THSD4: variants seen among roughly 807,000 people sequenced by gnomAD.
The protein encoded by THSD4 is thrombospondin type 1 domain containing 4, also known as thrombospondin type-1 domain-containing protein 4.
In THSD4, 69 loss-of-function variants were observed where a neutral mutation model predicts 119.0. The ratio of observed to expected loss-of-function variants is 0.58; its 90% CI spans 0.48 to 0.71. The LOEUF is 0.71. Among genes scored for constraint, THSD4 ranks in the 30% least tolerant of loss-of-function variants. The probability of loss-of-function intolerance (pLI) is 0.00; values close to 1 mark genes in which losing one functional copy is unlikely to be tolerated. For synonymous variants in THSD4, 524 were observed against 540.4 expected (o/e 0.97, Z 0.42); for missense variants, 1,393 against 1,391.1 (o/e 1.00, Z -0.02).
rs573067559 is a variant in THSD4, at chr15:71,326,280, T to C, written c.1015+69565T>C. On this transcript the variant is annotated intron_variant, in intron 6 of 17. Transcript: ENST00000261862. ...GTGAGGGGTCAATGAGTAAACTACA[T>C]GTCAAGGGCTTAATGTCAGTAACAA... 3.3e-5 allele frequency among the ~76,000 whole-genome samples: 5 copies of C among 152,188 alleles called. No homozygotes were observed. In the South Asian group the frequency reaches 1.0e-3, roughly 32 times the overall value.
At chr15:71,705,522 T>G (rs2052377370) in intron 8 of THSD4, among the ~76,000 whole-genome samples, 1 of 152,122 alleles carries the variant, frequency 6.6e-6, no homozygotes, top group African/African-American at 2.4e-5. Context: ...GCATATCTGG[T>G]CAGATGTTGC....
chr15:71,551,481 G>A (rs1233640470), intron 7 of THSD4, among the ~76,000 whole-genome samples: 4 of 152,186 alleles, frequency 2.6e-5, no homozygotes, highest in Non-Finnish European at 5.9e-5. Flanking sequence ...TGTGTTGGGG[G>A]TCTTCAAGAT....
intron 7 of THSD4, among the ~76,000 whole-genome samples, chr15:71,530,467 G>A (rs2048590991): frequency 6.6e-6 from 1 of 152,238 alleles, no homozygotes; most frequent in African/African-American, 2.4e-5. Context: ...CATTGAGGAG[G>A]CCAAGCAGTG....
intron 3 of THSD4, among the ~76,000 whole-genome samples, chr15:71,174,740 C>G (rs1186491463): frequency 1.3e-5 from 2 of 151,114 alleles, no homozygotes; most frequent in Non-Finnish European, 3.0e-5. Flanking sequence ...GTGTCCCTGT[C>G]TGACAGCTTT....
chr15:71,600,656 C>T (rs183503530), intron 7 of THSD4, among the ~76,000 whole-genome samples: 27 of 152,296 alleles, frequency 1.8e-4, no homozygotes, highest in Admixed American at 5.2e-4. Context: ...TAACTGAACA[C>T]TCATTACATT....
chr15:71,208,187 C>T (rs1345586100), intron 3 of THSD4, among the ~76,000 whole-genome samples: 1 of 152,174 alleles, frequency 6.6e-6, no homozygotes, highest in Non-Finnish European at 1.5e-5. Flanking sequence ...ACATTTCCAC[C>T]ACACTTAATC....
At chr15:71,366,905 C>T (rs2045972374) in intron 6 of THSD4, among the ~76,000 whole-genome samples, 1 of 152,190 alleles carries the variant, frequency 6.6e-6, no homozygotes, top group African/African-American at 2.4e-5. Flanking sequence ...CCTTCTCATA[C>T]TGTGAAGGAG....
chr15:71,199,908 ATGTGTGGGGTGTGTGTG>A, intron 3 of THSD4, among the ~76,000 whole-genome samples: 1 of 35,490 alleles, frequency 2.8e-5, no homozygotes, highest in South Asian at 7.7e-4. Context: ...TGTGTGGTGC[ATGTGTGGGGTGTGTGTG>A]TGTGTGTGTG....
At chr15:71,250,620 A>T (rs1266429549) in intron 5 of THSD4, among the ~76,000 whole-genome samples, 2 of 152,144 alleles carry the variant, frequency 1.3e-5, no homozygotes, top group Non-Finnish European at 2.9e-5. Flanking sequence ...CACCAGACTA[A>T]ATTTTTTAAC....
chr15:71,695,002 T>C (rs1474294678), intron 8 of THSD4, among the ~76,000 whole-genome samples: 1 of 152,222 alleles, frequency 6.6e-6, no homozygotes, highest in Non-Finnish European at 1.5e-5. Context: ...GTTTGCCTTC[T>C]GTGCCCCTTG....
At chr15:71,359,896 C>T (rs556809440) in intron 6 of THSD4, among the ~76,000 whole-genome samples, 1 of 152,314 alleles carries the variant, frequency 6.6e-6, no homozygotes, top group East Asian at 1.9e-4. Context: ...GATTCATCTT[C>T]TGTCCTTCCC....
intron 6 of THSD4, among the ~76,000 whole-genome samples, chr15:71,374,125 G>A (rs2046098639): frequency 6.6e-6 from 1 of 152,172 alleles, no homozygotes; most frequent in African/African-American, 2.4e-5. Context: ...CCAAAGTGAT[G>A]CAAACACATG....
At chr15:71,393,020 T>A (rs1216541669) in intron 6 of THSD4, among the ~76,000 whole-genome samples, 3 of 152,220 alleles carry the variant, frequency 2.0e-5, no homozygotes, top group Non-Finnish European at 4.4e-5. Context: ...CCTCCGTTTC[T>A]CATTTGTTCA....
At chr15:71,485,313 C>T (rs1264816868) in intron 7 of THSD4, among the ~76,000 whole-genome samples, 1 of 152,226 alleles carries the variant, frequency 6.6e-6, no homozygotes, top group Non-Finnish European at 1.5e-5. Flanking sequence ...CCATCTCCCT[C>T]TCCACCTCTG....
chr15:71,172,635 A>AAT (rs2043380714), intron 3 of THSD4, among the ~76,000 whole-genome samples: 1 of 124,194 alleles, frequency 8.1e-6, no homozygotes, highest in Non-Finnish European at 1.7e-5. Flanking sequence ...GTGTAAAGAT[A>AAT]GGCAAATAGA....
At chr15:71,649,730 G>A (rs2051045039) in intron 7 of THSD4, among the ~76,000 whole-genome samples, 1 of 152,200 alleles carries the variant, frequency 6.6e-6, no homozygotes, top group South Asian at 2.1e-4. Context: ...GGTTTTGGCA[G>A]TTTGGGGTTT....
In THSD4 at chr15:71,215,292, C is replaced by G. The variant is rs2043923034; in HGVS notation, c.357C>G (p.Asp119Glu). 3 of 1,522,442 alleles carry G rather than the reference C, an allele frequency of 2.0e-6. No individual in the cohort carries two copies. Among genetic ancestry groups the G allele is most frequent in the South Asian group, 1.2e-5 (1 of 83,398 alleles). The allele number at this position is 1,522,442 out of a possible 1,614,324, so 94.3% of individuals were successfully genotyped here. The stretch of plus-strand genomic sequence containing the variant: ...CGGTGCCACTGCACCGGAGCCGCGA[C>G]GAGACGCCAGCGCTGGCCGGTACGG... ...RTSVPLHRSR[D>E]ETPALAGTDA... The change falls in exon 4 of 18, where the codon GAC becomes GAG. Residue 119 changes from aspartate (D) to glutamate (E), a missense_variant. Physicochemically the swap from Asp to Glu is conservative, Grantham distance 45. Coordinates refer to ENST00000261862, the MANE Select transcript of THSD4 (RefSeq NM_024817.3).
chr15:71,478,876 G>A (rs1335723572), intron 7 of THSD4, among the ~76,000 whole-genome samples: 1 of 152,140 alleles, frequency 6.6e-6, no homozygotes, highest in African/African-American at 2.4e-5. Flanking sequence ...CATTAGAAAA[G>A]GGACTGTTTG....
chr15:71,188,319 A>C (rs79915544), intron 3 of THSD4, among the ~76,000 whole-genome samples: 1,732 of 152,100 alleles, frequency 0.011, 19 homozygotes, highest in Non-Finnish European at 0.017. Context: ...GAGCCGTGAG[A>C]GTTAAGGGTG....
Sources: allele counts gnomAD v4.1 joint callset (sites outside exome capture counted in the v4.1 genomes callset), GRCh38; gene constraint gnomAD v4.1.1; transcripts MANE v1.5; gene names NCBI Gene and HGNC (gene_info 2026-07-23, HGNC 2026-07-21).